Variants in PTBP2 observed in about 807,000 individuals in gnomAD.
The protein encoded by PTBP2 is polypyrimidine tract binding protein 2.
Under a neutral mutation model 61.4 loss-of-function variants are expected in PTBP2, and 13 were observed. That is an observed-to-expected ratio of 0.21 (90% CI 0.14 to 0.34). The LOEUF (loss-of-function observed/expected upper bound fraction) is 0.34. Ranked by LOEUF, PTBP2 falls within the 10% of genes least tolerant of loss-of-function variation. The pLI, the probability that PTBP2 is intolerant of heterozygous loss-of-function variation, is 1.00. For missense variants in PTBP2, 405 were observed against 642.6 expected (o/e 0.63, Z 4.00); for synonymous variants, 215 against 218.5 (o/e 0.98, Z 0.14).
intron 2 of PTBP2, among the ~76,000 whole-genome samples, chr1:96,725,385 C>T (rs560997591): frequency 1.6e-4 from 24 of 151,486 alleles, no homozygotes; most frequent in African/African-American, 4.8e-4. Context: ...CTACAAGCTC[C>T]GCCTTCCGGG....
intron 3 of PTBP2, among the ~76,000 whole-genome samples, chr1:96,764,727 A>G (rs1304842073): frequency 6.6e-6 from 1 of 152,218 alleles, no homozygotes; most frequent in African/African-American, 2.4e-5. Flanking sequence ...TTTACTATTT[A>G]TAAAGGTTTT....
chr1:96,751,095 G>A (rs752049437), intron 2 of PTBP2, among the ~76,000 whole-genome samples: 6 of 152,034 alleles, frequency 3.9e-5, no homozygotes, highest in South Asian at 2.1e-4. Context: ...TTTATAGAAC[G>A]TTTCTGAGAA....
At chr1:96,820,450 T>G (rs2101319041) in exon 14 of PTBP2, 1 of 152,262 alleles carries the variant, frequency 6.6e-6, no homozygotes. Context: ...ACTGAAGATT[T>G]CATCCTGAGA....
exon 14 of PTBP2, chr1:96,822,404 C>G (rs1662710014): frequency 6.6e-6 from 1 of 152,070 alleles, no homozygotes; most frequent in Non-Finnish European, 1.5e-5. Context: ...AATTAGGAGA[C>G]AAGGAACAAA....
chr1:96,722,301 G>T lies in PTBP2; in HGVS notation c.8+429G>T, dbSNP rs903692623. Among the ~76,000 whole-genome samples, 5 of 152,140 alleles carry T rather than the reference G, an allele frequency of 3.3e-5. No homozygotes were observed. In the East Asian group the frequency reaches 9.7e-4, roughly 30 times the overall value. ...AGAGACAGGCCTTTGGATTGGGGGA[G>T]CCTCTAGGGGAAGAGGAGAGAGGCA... On this transcript the variant is annotated intron_variant, in intron 1 of 13. Transcript: ENST00000674951.
chr1:96,786,030 A>G (rs777693191), intron 8 of PTBP2, among the ~76,000 whole-genome samples: 23 of 152,162 alleles, frequency 1.5e-4, no homozygotes, highest in Non-Finnish European at 2.9e-4. Flanking sequence ...CTTGATTTCT[A>G]GTATTGGTAA....
chr1:96,727,048 A>ATAGTCCCTCCTTTCTGCTTTTCT (rs1438302911), intron 2 of PTBP2, among the ~76,000 whole-genome samples: 89 of 152,304 alleles, frequency 5.8e-4, no homozygotes, highest in African/African-American at 2.1e-3. Flanking sequence ...TTGCGCCTTT[A>ATAGTCCCTCCTTTCTGCTTTTCT]TAGTCCCTCC....
chr1:96,802,211 GAAAAAA>G (rs5776325), intron 8 of PTBP2, among the ~76,000 whole-genome samples: 16 of 54,036 alleles, frequency 3.0e-4, no homozygotes, highest in South Asian at 9.4e-4. Flanking sequence ...ACTCCGTCTC[GAAAAAA>G]AAAAAAAAAA....
chr1:96,793,384 T>A (rs1414704241), intron 8 of PTBP2, among the ~76,000 whole-genome samples: 1 of 152,194 alleles, frequency 6.6e-6, no homozygotes, highest in Non-Finnish European at 1.5e-5. Flanking sequence ...ATTTTATTTT[T>A]TTTAGTTGGA....
chr1:96,795,135 A>G (rs981827902), intron 8 of PTBP2, among the ~76,000 whole-genome samples: 4 of 152,188 alleles, frequency 2.6e-5, no homozygotes, highest in African/African-American at 7.2e-5. Context: ...TTCATCAACT[A>G]TTTTTAGGCA....
chr1:96,753,520 A>G (rs1459693773), intron 3 of PTBP2, among the ~76,000 whole-genome samples: 1 of 152,104 alleles, frequency 6.6e-6, no homozygotes, highest in African/African-American at 2.4e-5. Context: ...TTTTCCTGCA[A>G]CTATCTTCCA....
intron 2 of PTBP2, among the ~76,000 whole-genome samples, chr1:96,737,212 C>T (rs549650245): frequency 3.0e-4 from 46 of 152,034 alleles, no homozygotes; most frequent in Middle Eastern, 3.4e-3. Context: ...CTGATCTGCC[C>T]ACCCTGGCCT....
chr1:96,755,993 C>T (rs1435803154), intron 3 of PTBP2, among the ~76,000 whole-genome samples: 1 of 152,188 alleles, frequency 6.6e-6, no homozygotes, highest in Admixed American at 6.5e-5. Context: ...AACTTCAGAA[C>T]ATTGATAACA....
At chr1:96,733,829 C>T (rs1651778291) in intron 2 of PTBP2, among the ~76,000 whole-genome samples, 1 of 152,200 alleles carries the variant, frequency 6.6e-6, no homozygotes, top group Non-Finnish European at 1.5e-5. Flanking sequence ...TCGTCCTCTT[C>T]CTCCTTAGCC....
chr1:96,785,151 TA>T lies in PTBP2; in HGVS notation c.805del (p.Ser269ValfsTer33). The T allele has an allele frequency of 6.2e-7, 1 of 1,610,464 alleles. No homozygotes were observed. The highest frequency in any genetic ancestry group is 8.5e-7 in the Non-Finnish European group (1 of 1,177,660). On this transcript the variant is annotated frameshift_variant, in exon 8 of 14. Transcript: ENST00000674951. LOFTEE classifies it high-confidence loss of function. ...ATTTGAATGTAAAATACAACAATGA[TA>T]AAAGTAGGGATTATACTCGACCTGA... ...VNLNVKYNNDKSRDYTRPDLP... is the reference protein window; with the variant it reads ...VNLNVKYNNDXSRDYTRPDLP...
chr1:96,803,532 T>G (rs758349064), intron 8 of PTBP2, among the ~76,000 whole-genome samples: 8 of 151,968 alleles, frequency 5.3e-5, no homozygotes, highest in Non-Finnish European at 8.8e-5. Flanking sequence ...TCAGAAGAGA[T>G]AAAGGCTGAA....
intron 8 of PTBP2, among the ~76,000 whole-genome samples, chr1:96,789,591 T>G (rs1273389682): frequency 6.6e-6 from 1 of 152,152 alleles, no homozygotes. Flanking sequence ...ACTGAATTTA[T>G]AATTTTCTAT....
At position 96,813,081 on chromosome 1, in the gene PTBP2, A is replaced by G. The variant is rs1662230566; in HGVS notation, c.1441A>G (p.Thr481Ala). 1 of 1,612,760 alleles carries G rather than the reference A, an allele frequency of 6.2e-7. No homozygotes were observed. The highest frequency in any genetic ancestry group is 8.5e-7 in the Non-Finnish European group (1 of 1,179,312). The change falls in exon 13 of 14, where the codon ACT becomes GCT. Residue 481 changes from threonine (T) to alanine (A), a missense_variant. Physicochemically the swap from Thr to Ala is moderately conservative, Grantham distance 58. Transcript: ENST00000674951. ...AACACTGTTCGCTAACACTGGGGGC[A>G]CTGTGAAAGCATTTAAGTTTTTTCA... ...LRTLFANTGG[T>A]VKAFKFFQDH...
intron 3 of PTBP2, among the ~76,000 whole-genome samples, chr1:96,765,805 A>C (rs1318787998): frequency 6.6e-6 from 1 of 152,188 alleles, no homozygotes; most frequent in Non-Finnish European, 1.5e-5. Flanking sequence ...TAGGTAGAGT[A>C]TCGGAACAAA....
Sources: gnomAD v4.1 joint callset for allele counts (sites outside exome capture counted in the v4.1 genomes callset) on GRCh38, gnomAD v4.1.1 for gene constraint, MANE v1.5 for transcripts, NCBI Gene and HGNC (gene_info 2026-07-23, HGNC 2026-07-21) for gene names.